CUX1: variants seen among roughly 807,000 people sequenced by gnomAD.
CUX1 encodes the protein cut like homeobox 1, also known as protein CASP.
Under a neutral mutation model 158.8 loss-of-function variants are expected in CUX1, and 31 were observed. The ratio of observed to expected loss-of-function variants is 0.20; its 90% CI spans 0.15 to 0.26. The LOEUF is 0.26. Ranked by LOEUF, CUX1 falls within the 10% of genes least tolerant of loss-of-function variation. CUX1 has a pLI of 1.00. For missense variants in CUX1, 1,589 were observed against 2,014.6 expected (o/e 0.79, Z 4.04); for synonymous variants, 879 against 862.1 (o/e 1.02, Z -0.34).
At chr7:102,203,946 G>C (rs1554520412) in intron 18 of CUX1, among the ~76,000 whole-genome samples, 2 of 152,184 alleles carry the variant, frequency 1.3e-5, no homozygotes, top group East Asian at 3.8e-4. Flanking sequence ...GTTTGCAGAG[G>C]ACACCAGCTT....
chr7:101,932,623 G>A (rs1178453445), intron 2 of CUX1: 1 of 455,182 alleles, frequency 2.2e-6, no homozygotes, highest in Admixed American at 2.4e-5. Context: ...TCGGGGAAAG[G>A]TGATAGCTTC....
chr7:102,202,195 C>T lies in CUX1; in HGVS notation c.2898C>T (p.Phe966=), dbSNP rs782042169. The part of the protein sequence containing the change: ...LAKNGICQRI[F]GEKVLGLSQG... ...AGAACGGCATCTGCCAGAGAATCTT[C>T]GGGGAGAAGGTAAGGGATCTGCTCT... The change falls in exon 18 of 24, where the codon TTC becomes TTT. Residue 966 remains phenylalanine, a synonymous_variant. Transcript: ENST00000292535. 1.0e-5 allele frequency: 16 copies of T among 1,603,904 alleles called. No homozygotes were observed. The highest frequency in any genetic ancestry group is 6.7e-5 in the Admixed American group (4 of 59,484).
intron 2 of CUX1, among the ~76,000 whole-genome samples, chr7:101,966,010 G>A (rs1811162791): frequency 6.6e-6 from 1 of 152,104 alleles, no homozygotes; most frequent in Non-Finnish European, 1.5e-5. Context: ...GTGGGTTTCT[G>A]GATATTTTAT....
intron 8 of CUX1, among the ~76,000 whole-genome samples, chr7:102,149,141 G>T (rs1421147958): frequency 2.0e-5 from 3 of 152,046 alleles, no homozygotes; most frequent in Admixed American, 6.6e-5. Flanking sequence ...CTGAAAAGTT[G>T]TTACAAAATT....
chr7:102,113,425 G>T (rs1554490880), intron 7 of CUX1, among the ~76,000 whole-genome samples: 1 of 151,986 alleles, frequency 6.6e-6, no homozygotes, highest in Non-Finnish European at 1.5e-5. Context: ...ACCATGCCCG[G>T]TTAATTTTTG....
intron 3 of CUX1, among the ~76,000 whole-genome samples, chr7:102,067,100 A>T (rs576458236): frequency 1.3e-5 from 2 of 152,134 alleles, no homozygotes; most frequent in South Asian, 4.1e-4. Context: ...TCATCACCCC[A>T]AAAGGAAATC....
chr7:102,261,152 C>T (rs1554543760), downstream of CUX1, among the ~76,000 whole-genome samples: 1 of 152,224 alleles, frequency 6.6e-6, no homozygotes, highest in African/African-American at 2.4e-5. Context: ...GCAGGCATTG[C>T]TGAAGTTCCT....
chr7:101,837,778 C>T (rs1335489226), intron 1 of CUX1, among the ~76,000 whole-genome samples: 1 of 129,760 alleles, frequency 7.7e-6, no homozygotes, highest in African/African-American at 3.0e-5. Flanking sequence ...GTGCAGGGAG[C>T]CATGATCGTG....
chr7:101,920,476 C>T (rs1804782875), intron 2 of CUX1, among the ~76,000 whole-genome samples: 1 of 152,142 alleles, frequency 6.6e-6, no homozygotes, highest in Non-Finnish European at 1.5e-5. Context: ...CCAGGCTAGT[C>T]TCAAACTCCT....
rs572708010 is a variant in CUX1 at position 101,866,372 on chromosome 7, G to A, written c.30+48703G>A. ...TGTATTTCCAGCTACTTGGGAGGCT[G>A]AGGAACTAGAATCTCGAACCTGGGA... On this transcript the variant is annotated intron_variant, in intron 1 of 23. Coordinates refer to ENST00000292535, the MANE Select transcript of CUX1 (RefSeq NM_181552.4). 5.3e-5 allele frequency among the ~76,000 whole-genome samples: 8 copies of A among 152,288 alleles called. No homozygotes were observed. In the South Asian group the frequency reaches 1.7e-3, roughly 32 times the overall value.
chr7:102,141,237 A>T (rs1554500169), intron 8 of CUX1, among the ~76,000 whole-genome samples: 1 of 152,160 alleles, frequency 6.6e-6, no homozygotes, highest in Non-Finnish European at 1.5e-5. Flanking sequence ...AAGAGGAAGG[A>T]TGCTGTCTTT....
intron 2 of CUX1, among the ~76,000 whole-genome samples, chr7:102,008,243 C>A (rs1817608595): frequency 6.6e-6 from 1 of 152,148 alleles, no homozygotes; most frequent in Non-Finnish European, 1.5e-5. Context: ...GATCTGGGAG[C>A]CTGTCCCCGC....
rs1031947087 is a variant in CUX1 at position 101,938,790 on chromosome 7, C to T, written c.141+22565C>T. 2.0e-5 allele frequency among the ~76,000 whole-genome samples: 3 copies of T among 152,164 alleles called. No individual in the cohort carries two copies. The East Asian group carries it at 5.8e-4, about 30-fold the overall frequency. The stretch of plus-strand genomic sequence containing the variant: ...GCGTGATGGCTCATGCCGGTAATCC[C>T]AGCACTTTGGGAGGCTGAGGCGGGC... On this transcript the variant is annotated intron_variant, in intron 2 of 23. Coordinates refer to ENST00000292535, the MANE Select transcript of CUX1 (RefSeq NM_181552.4).
chr7:101,910,012 C>T (rs1313268539), intron 1 of CUX1, among the ~76,000 whole-genome samples: 1 of 152,148 alleles, frequency 6.6e-6, no homozygotes. Context: ...CTCCGCCTCC[C>T]GAGTTCAAGC....
intron 18 of CUX1, among the ~76,000 whole-genome samples, chr7:102,278,627 AT>A (rs1410343223): frequency 5.4e-5 from 4 of 74,228 alleles, no homozygotes; most frequent in South Asian, 8.2e-4. Context: ...ATAAAATAAA[AT>A]TAAAATAAAA....
intron 2 of CUX1, among the ~76,000 whole-genome samples, chr7:102,015,264 GTCACCCA>G (rs1818453176): frequency 6.6e-6 from 1 of 152,154 alleles, no homozygotes; most frequent in Admixed American, 6.6e-5. Flanking sequence ...GTCTCACTCT[GTCACCCA>G]GGCTGGAGTG....
At chr7:101,911,356 C>T (rs1031121261) in intron 1 of CUX1, among the ~76,000 whole-genome samples, 6 of 151,338 alleles carry the variant, frequency 4.0e-5, no homozygotes, top group African/African-American at 1.5e-4. Context: ...CCTTGGCCCT[C>T]CAGTGGATGA....
intron 2 of CUX1, among the ~76,000 whole-genome samples, chr7:102,017,513 T>G (rs900633130): frequency 2.0e-5 from 3 of 152,166 alleles, no homozygotes; most frequent in Non-Finnish European, 2.9e-5. Flanking sequence ...TCTCATTCAC[T>G]GCTCGTAGTT....
chr7:102,144,420 C>G (rs147656617), intron 8 of CUX1, among the ~76,000 whole-genome samples: 2,387 of 152,256 alleles, frequency 0.016, 54 homozygotes, highest in African/African-American at 0.053. Context: ...CCTGTTTTGA[C>G]TTGAAGCTAC....
Sources: gnomAD v4.1 joint callset for allele counts (sites outside exome capture counted in the v4.1 genomes callset) on GRCh38, gnomAD v4.1.1 for gene constraint, MANE v1.5 for transcripts, NCBI Gene and HGNC (gene_info 2026-07-23, HGNC 2026-07-21) for gene names.